Variants in RSPO2 observed in about 807,000 individuals in gnomAD.
RSPO2 encodes R-spondin 2.
A neutral mutation model predicts 30.9 loss-of-function variants in RSPO2; 14 were observed. The ratio of observed to expected loss-of-function variants is 0.45; its 90% confidence interval spans 0.30 to 0.71. The LOEUF is 0.71. Among genes scored for constraint, RSPO2 ranks in the 30% least tolerant of loss-of-function variants. RSPO2 has a pLI of 0.08. For missense variants in RSPO2, 264 were observed against 301.9 expected (o/e 0.87, Z 0.93); for synonymous variants, 107 against 96.4 (o/e 1.11, Z -0.64).
intron 2 of RSPO2, among the ~76,000 whole-genome samples, chr8:108,048,325 G>T (rs1185832606): frequency 6.6e-6 from 1 of 151,592 alleles, no homozygotes; most frequent in Non-Finnish European, 1.5e-5. Flanking sequence ...AACCTCTACT[G>T]CCCTTTGCAT....
chr8:108,016,575 A>G (rs1022367650), intron 2 of RSPO2, among the ~76,000 whole-genome samples: 7 of 152,258 alleles, frequency 4.6e-5, no homozygotes, highest in African/African-American at 1.7e-4. Flanking sequence ...CAATAACTAT[A>G]TAGGATAGGA....
At position 108,061,107 on chromosome 8, in the gene RSPO2, T is replaced by C. The variant is rs1049233498; in HGVS notation, c.94+21438A>G. Among the ~76,000 whole-genome samples the C allele has an allele frequency of 1.3e-4, 19 of 151,826 alleles. 1 individual carries two copies. The highest frequency in any genetic ancestry group is 4.6e-4 in the African/African-American group (19 of 41,096). ...GCCAAATTGTAAAGACCATTGAGGC[T>C]AGGAAGAAACTGCATCAACTAACAA... On this transcript the variant is annotated intron_variant, in intron 2 of 5. Transcript: ENST00000276659.
chr8:108,064,160 A>C (rs940554555), intron 2 of RSPO2, among the ~76,000 whole-genome samples: 3 of 152,202 alleles, frequency 2.0e-5, no homozygotes, highest in African/African-American at 7.2e-5. Flanking sequence ...AATGGCAACA[A>C]AAGCCAAAAT....
At chr8:108,039,267 A>T (rs920725944) in intron 2 of RSPO2, among the ~76,000 whole-genome samples, 1 of 152,186 alleles carries the variant, frequency 6.6e-6, no homozygotes, top group Non-Finnish European at 1.5e-5. Flanking sequence ...TCCCCCTTTT[A>T]CTTGCAGCAA....
At chr8:107,954,453 C>T (rs769064014) in intron 5 of RSPO2, among the ~76,000 whole-genome samples, 9 of 152,126 alleles carry the variant, frequency 5.9e-5, no homozygotes, top group Non-Finnish European at 1.0e-4. Context: ...AATTAGTATA[C>T]TCAGGGAGAG....
intron 2 of RSPO2, among the ~76,000 whole-genome samples, chr8:108,063,404 C>A (rs187416272): frequency 0.023 from 3,521 of 151,806 alleles, 76 homozygotes; most frequent in South Asian, 0.047. Context: ...AAAAGAGAGC[C>A]AAATCATGAG....
intron 3 of RSPO2, among the ~76,000 whole-genome samples, chr8:107,970,577 A>T (rs111529151): frequency 6.6e-6 from 1 of 152,234 alleles, no homozygotes; most frequent in Admixed American, 6.5e-5. Flanking sequence ...ATATCAGATA[A>T]GCATGAGGAT....
rs1044892763 is a variant in RSPO2, at chr8:107,996,911, C to T, written c.95-7667G>A. ...ATGAAAATGAATTAGGGAATACTTACCCAAGTCCATATCTTAGGTTATCTT... is the reference window on the plus strand; with the variant it reads ...ATGAAAATGAATTAGGGAATACTTATCCAAGTCCATATCTTAGGTTATCTT... On this transcript the variant is annotated intron_variant, in intron 2 of 5. Coordinates refer to ENST00000276659, the MANE Select transcript of RSPO2 (RefSeq NM_178565.5). 6 of 455,230 alleles carry T rather than the reference C, an allele frequency of 1.3e-5. No homozygotes were observed. The East Asian group carries it at 2.1e-4, about 16-fold the overall frequency. The allele number at this position is 455,230 out of a possible 1,614,324, so 28.2% of individuals were successfully genotyped here.
At chr8:108,025,090 T>A (rs539542559) in intron 2 of RSPO2, among the ~76,000 whole-genome samples, 1 of 152,302 alleles carries the variant, frequency 6.6e-6, no homozygotes, top group East Asian at 1.9e-4. Flanking sequence ...AGTGTATATA[T>A]GTATAAATGT....
At chr8:108,048,413 C>G (rs1489165709) in intron 2 of RSPO2, among the ~76,000 whole-genome samples, 1 of 151,290 alleles carries the variant, frequency 6.6e-6, no homozygotes, top group African/African-American at 2.4e-5. Context: ...TGATTCTTAC[C>G]CTCATGTATT....
intron 5 of RSPO2, among the ~76,000 whole-genome samples, chr8:107,907,111 TTTAC>T (rs1482207851): frequency 5.3e-5 from 8 of 152,024 alleles, no homozygotes; most frequent in Admixed American, 3.9e-4. Context: ...TTATTTTTAT[TTTAC>T]TTATTTACAT....
chr8:108,034,960 T>A (rs1484049568), intron 2 of RSPO2, among the ~76,000 whole-genome samples: 1 of 152,220 alleles, frequency 6.6e-6, no homozygotes, highest in Non-Finnish European at 1.5e-5. Flanking sequence ...TTGCTTTCCA[T>A]CCTATCATAA....
chr8:107,985,099 T>C (rs1467634983), intron 3 of RSPO2, among the ~76,000 whole-genome samples: 4 of 152,156 alleles, frequency 2.6e-5, no homozygotes, highest in African/African-American at 4.8e-5. Context: ...GTGACAAATA[T>C]GTGTTCAGCT....
intron 3 of RSPO2, among the ~76,000 whole-genome samples, chr8:107,973,711 A>G (rs552667940): frequency 6.6e-6 from 1 of 152,322 alleles, no homozygotes; most frequent in East Asian, 1.9e-4. Flanking sequence ...TGAAAGGTAT[A>G]GATTCACTGA....
At chr8:107,904,340 T>C (rs1285150613) in intron 5 of RSPO2, among the ~76,000 whole-genome samples, 1 of 149,098 alleles carries the variant, frequency 6.7e-6, no homozygotes, top group Non-Finnish European at 1.5e-5. Context: ...TTGGAATAGA[T>C]ACTGCCCAGG....
At chr8:108,041,111 T>G (rs1339695551) in intron 2 of RSPO2, among the ~76,000 whole-genome samples, 1 of 150,598 alleles carries the variant, frequency 6.6e-6, no homozygotes, top group African/African-American at 2.5e-5. Flanking sequence ...GATTTGAAAG[T>G]TAAGCAATTG....
At chr8:107,995,034 A>G (rs1814968492) in intron 2 of RSPO2, among the ~76,000 whole-genome samples, 1 of 152,158 alleles carries the variant, frequency 6.6e-6, no homozygotes, top group Non-Finnish European at 1.5e-5. Context: ...ACCAGGGCTT[A>G]TTCTACCAAA....
intron 5 of RSPO2, among the ~76,000 whole-genome samples, chr8:107,926,091 G>A (rs190815840): frequency 0.094 from 14,365 of 152,064 alleles, 784 homozygotes; most frequent in South Asian, 0.16. Context: ...TTTAATGACT[G>A]CCATTCTAAA....
chr8:107,983,401 G>A (rs1474305551), intron 3 of RSPO2: 8 of 1,605,778 alleles, frequency 5.0e-6, no homozygotes, highest in Admixed American at 1.7e-5. Flanking sequence ...GGATGTAGCT[G>A]CCCATCTTCA....
Sources: allele counts gnomAD v4.1 joint callset (sites outside exome capture counted in the v4.1 genomes callset), GRCh38; gene constraint gnomAD v4.1.1; transcripts MANE v1.5; gene names NCBI Gene and HGNC (gene_info 2026-07-23, HGNC 2026-07-21).